SORCS2: variants seen among roughly 807,000 people sequenced by gnomAD.
The protein encoded by SORCS2 is sortilin related VPS10 domain containing receptor 2, also known as VPS10 domain-containing receptor SorCS2.
SORCS2 carries 100 observed loss-of-function variants against 141.6 expected under a neutral mutation model. That is an observed-to-expected ratio of 0.71 (90% CI 0.60 to 0.83). SORCS2 has a LOEUF of 0.83. Among genes scored for constraint, SORCS2 ranks in the 40% least tolerant of loss-of-function variants. SORCS2 has a pLI of 0.00. For synonymous variants in SORCS2, 789 were observed against 676.9 expected (o/e 1.17, Z -2.57); for missense variants, 1,646 against 1,560.2 (o/e 1.05, Z -0.93).
At chr4:7,222,801 C>A (rs913874017) in intron 1 of SORCS2, among the ~76,000 whole-genome samples, 4 of 152,072 alleles carry the variant, frequency 2.6e-5, no homozygotes, top group South Asian at 2.1e-4. Flanking sequence ...GTGCTGGGCA[C>A]GGCAGCTGTG....
chr4:7,453,717 A>G (rs1239518785), intron 2 of SORCS2, among the ~76,000 whole-genome samples: 5 of 105,742 alleles, frequency 4.7e-5, no homozygotes, highest in African/African-American at 7.8e-5. Context: ...GGGGTCAGGC[A>G]CTGTGTTGGG....
intron 2 of SORCS2, among the ~76,000 whole-genome samples, chr4:7,494,504 G>A (rs141259285): frequency 5.7e-4 from 61 of 107,200 alleles, no homozygotes; most frequent in African/African-American, 1.2e-3. Context: ...TCGCTGTGTC[G>A]TCTCATGGTG....
At chr4:7,418,131 CT>C (rs1220479932) in intron 2 of SORCS2, among the ~76,000 whole-genome samples, 2 of 152,158 alleles carry the variant, frequency 1.3e-5, no homozygotes, top group African/African-American at 4.8e-5. Flanking sequence ...TCCTCCTTCC[CT>C]TTTTTCTGAG....
chr4:7,434,610 C>G lies in SORCS2; in HGVS notation c.548+38255C>G. Reference sequence around the variant, plus strand: ...GGAGCCACTCACAGGTCTTCATCACCAAAGCCAGGATGTCAGACTCCGTGG... The same window carrying G: ...GGAGCCACTCACAGGTCTTCATCACGAAAGCCAGGATGTCAGACTCCGTGG... On this transcript the variant is annotated intron_variant, in intron 2 of 26. Coordinates refer to ENST00000507866, the MANE Select transcript of SORCS2 (RefSeq NM_020777.3). 7.4e-6 allele frequency: 12 copies of G among 1,613,390 alleles called. No homozygotes were observed. The highest frequency in any genetic ancestry group is 9.3e-6 in the Non-Finnish European group (11 of 1,179,732).
At chr4:7,436,793 C>T (rs138592150) in intron 2 of SORCS2, among the ~76,000 whole-genome samples, 6 of 152,288 alleles carry the variant, frequency 3.9e-5, no homozygotes, top group Non-Finnish European at 7.3e-5. Context: ...CACTTGGGAG[C>T]CAGTAGAAGT....
At chr4:7,332,518 C>T (rs1290618622) in intron 1 of SORCS2, among the ~76,000 whole-genome samples, 4 of 152,222 alleles carry the variant, frequency 2.6e-5, no homozygotes, top group African/African-American at 9.6e-5. Flanking sequence ...ACTGTGACCC[C>T]CGACCCTGGC....
chr4:7,631,986 A>C (rs1351100992), intron 3 of SORCS2, among the ~76,000 whole-genome samples: 2 of 152,198 alleles, frequency 1.3e-5, no homozygotes, highest in African/African-American at 4.8e-5. Flanking sequence ...GTATTTGTAG[A>C]GGTGACACAG....
In SORCS2 at chr4:7,215,988, C is replaced by G. The variant is rs993136653; in HGVS notation, c.480+22862C>G. ...CAACCCGCTCGGGTCCCCTTCCACA[C>G]TGTGGAAGCTTTGTTCTTTCGCTCT... is the stretch of plus-strand genomic sequence containing the variant. On this transcript the variant is annotated intron_variant, in intron 1 of 26. Transcript: ENST00000507866. Among the ~76,000 whole-genome samples the G allele has an allele frequency of 3.3e-5, 5 of 152,072 alleles. No homozygotes were observed. The South Asian group carries it at 6.2e-4, about 19-fold the overall frequency.
intron 1 of SORCS2, among the ~76,000 whole-genome samples, chr4:7,373,478 A>ATATATATATATATATATATATTTT (rs1470691140): frequency 1.1e-4 from 4 of 36,816 alleles, no homozygotes; most frequent in Admixed American, 4.1e-4. Flanking sequence ...ATATATATAT[A>ATATATATATATATATATATATTTT]TTTTTTTTTT....
At chr4:7,500,307 G>A (rs187136307) in intron 2 of SORCS2, among the ~76,000 whole-genome samples, 3 of 71,602 alleles carry the variant, frequency 4.2e-5, no homozygotes, top group Middle Eastern at 4.9e-3. Context: ...ATCAATACTC[G>A]CCTTCCTTAC....
intron 1 of SORCS2, among the ~76,000 whole-genome samples, chr4:7,345,596 A>G (rs1195221177): frequency 1.3e-5 from 2 of 151,436 alleles, no homozygotes; most frequent in Non-Finnish European, 2.9e-5. Context: ...TCCATAGACA[A>G]GTCCTAGGAC....
At chr4:7,480,380 A>C (rs992389626) in intron 2 of SORCS2, among the ~76,000 whole-genome samples, 1 of 151,760 alleles carries the variant, frequency 6.6e-6, no homozygotes, top group African/African-American at 2.4e-5. Context: ...TCTTCCAGCC[A>C]CTCCTTCCCC....
intron 19 of SORCS2, among the ~76,000 whole-genome samples, chr4:7,724,898 G>GCAGTGATGATGGTGGGGGTGA (rs1560115002): frequency 2.1e-5 from 1 of 48,340 alleles, no homozygotes; most frequent in Non-Finnish European, 4.2e-5. Context: ...GTTGGTGATG[G>GCAGTGATGATGGTGGGGGTGA]TGGTGATAGT....
At chr4:7,610,655 C>T (rs1027245457) in intron 3 of SORCS2, among the ~76,000 whole-genome samples, 1 of 152,066 alleles carries the variant, frequency 6.6e-6, no homozygotes, top group Non-Finnish European at 1.5e-5. Flanking sequence ...ATTCTGTGCT[C>T]GGTTTTTCTA....
At chr4:7,646,791 T>G (rs1721111055) in intron 4 of SORCS2, among the ~76,000 whole-genome samples, 1 of 152,222 alleles carries the variant, frequency 6.6e-6, no homozygotes, top group African/African-American at 2.4e-5. Context: ...TTTCTGTGGT[T>G]TAAGCTGAGC....
rs563644869 is a variant in SORCS2, at chr4:7,394,742, G to C, written c.481-1546G>C. ...TGAAGCCAGCCTCACAGCAGGGTGC[G>C]CCCCAAACCCAGCAGTCTGCAGAAA... On this transcript the variant is annotated intron_variant, in intron 1 of 26. Transcript: ENST00000507866. Among the ~76,000 whole-genome samples, 564 of 152,180 alleles carry C rather than the reference G, an allele frequency of 3.7e-3. 7 individuals are homozygous for C. The highest frequency in any genetic ancestry group is 4.4e-3 in the Non-Finnish European group (300 of 67,994).
In SORCS2 at chr4:7,272,613, G is replaced by T. The variant is rs113681728; in HGVS notation, c.480+79487G>T. 4.1e-3 allele frequency among the ~76,000 whole-genome samples: 628 copies of T among 152,342 alleles called. 9 individuals carry two copies. Among genetic ancestry groups the T allele is most frequent in the African/African-American group, 0.014 (562 of 41,574 alleles). On this transcript the variant is annotated intron_variant, in intron 1 of 26. Transcript: ENST00000507866. ...GCTTCCTCAGAGGTGAGACCTTCCGGTTCATTCTGGAGAGCTGGCCTGGGA... is the reference window on the plus strand; with the variant it reads ...GCTTCCTCAGAGGTGAGACCTTCCGTTTCATTCTGGAGAGCTGGCCTGGGA...
rs1169298829 is a variant in SORCS2, at chr4:7,396,284, A to G, written c.481-4A>G. ...CTGCCTTTTACTTTCTGTTAACACC[A>G]CAGGTGATCTTGATCCTGACGAAGT... On this transcript the variant is annotated splice_polypyrimidine_tract_variant and splice_region_variant and intron_variant, in intron 1 of 26. Transcript: ENST00000507866. 4.3e-6 allele frequency: 7 copies of G among 1,613,764 alleles called. No individual in the cohort carries two copies. Among genetic ancestry groups the G allele is most frequent in the Admixed American group, 3.3e-5 (2 of 60,000 alleles).
At chr4:7,342,880 G>T (rs1410473449) in intron 1 of SORCS2, among the ~76,000 whole-genome samples, 3 of 152,238 alleles carry the variant, frequency 2.0e-5, no homozygotes, top group Admixed American at 2.0e-4. Flanking sequence ...TGCCAAGGTG[G>T]AAGGAAGCAG....
Sources: allele counts gnomAD v4.1 joint callset (sites outside exome capture counted in the v4.1 genomes callset), GRCh38; gene constraint gnomAD v4.1.1; transcripts MANE v1.5; gene names NCBI Gene and HGNC (gene_info 2026-07-23, HGNC 2026-07-21).